The following TBC1D16 variants were observed in gnomAD, a reference collection of about 807,000 sequenced individuals.
The protein encoded by TBC1D16 is CTD-2529O21.1.
Under a neutral mutation model 74.7 loss-of-function variants are expected in TBC1D16, and 58 were observed. The ratio of observed to expected loss-of-function variants is 0.78; its 90% CI spans 0.63 to 0.97. TBC1D16 has a LOEUF of 0.97. TBC1D16 is among the 50% of genes least tolerant of loss of function. The pLI is 0.00. For synonymous variants in TBC1D16, 493 were observed against 474.7 expected, an observed-to-expected ratio of 1.04 and a Z score of -0.50; for missense variants, 1,014 against 1,079.5, an observed-to-expected ratio of 0.94 and a Z score of 0.85.
chr17:79,950,834 C>G lies in TBC1D16; in HGVS notation c.1090-256G>C. On this transcript the variant is annotated intron_variant, in intron 5 of 11. Coordinates refer to ENST00000310924, the MANE Select transcript of TBC1D16 (RefSeq NM_019020.4). This position sits in a 1 kb window ranked among gnomAD's most constrained non-coding sequence, Gnocchi z 4.6. The stretch of plus-strand genomic sequence containing the variant: ...GCCGCCGCCCCCCACTCTCTCCAAC[C>G]CCAGCCGCAAAAACGGAATGAATGC... The G allele has an allele frequency of 6.5e-7, 1 of 1,529,192 alleles. No individual in the cohort carries two copies. Among genetic ancestry groups the G allele is most frequent in the South Asian group, 1.2e-5 (1 of 83,322 alleles). 94.7% of individuals were successfully genotyped at this position (1,529,192 alleles called of 1,614,324 possible). A position where few individuals can be genotyped will look rare whatever the true frequency, so the allele number is the denominator to read the frequency against.
intron 3 of TBC1D16, among the ~76,000 whole-genome samples, chr17:79,977,842 C>T (rs777459222): frequency 3.3e-5 from 5 of 152,214 alleles, no homozygotes; most frequent in South Asian, 2.1e-4. Flanking sequence ...AGAGCCCAGC[C>T]GGCTGTGCAC....
chr17:79,945,664 C>A (rs778826245), intron 9 of TBC1D16, among the ~76,000 whole-genome samples: 2 of 152,230 alleles, frequency 1.3e-5, no homozygotes, highest in Non-Finnish European at 2.9e-5. Context: ...TCATCAATGC[C>A]GCTGGAAAAT....
At chr17:79,946,867 G>A (rs977223729) in intron 9 of TBC1D16, among the ~76,000 whole-genome samples, 1 of 152,164 alleles carries the variant, frequency 6.6e-6, no homozygotes. Flanking sequence ...CCTTATCACG[G>A]GCACCTCCCA....
chr17:80,028,815 T>G (rs1225843934), intron 1 of TBC1D16, among the ~76,000 whole-genome samples: 7 of 151,880 alleles, frequency 4.6e-5, no homozygotes, highest in South Asian at 2.1e-4. Context: ...GGTTTCACCA[T>G]GTGGGCCAAG....
rs1001175632 is a variant in TBC1D16 at position 79,979,505 on chromosome 17, C to T, written c.780-26687G>A. Among the ~76,000 whole-genome samples, 4 of 152,142 alleles carry T rather than the reference C, an allele frequency of 2.6e-5. No homozygotes were observed. The highest frequency in any genetic ancestry group is 4.8e-5 in the African/African-American group (2 of 41,428). The stretch of plus-strand genomic sequence containing the variant: ...CCGCATAGCTGCAAATGCATCTGGG[C>T]GTGAAGACGTCCCTGTGTCATCTCT... On this transcript the variant is annotated intron_variant, in intron 3 of 11. Coordinates refer to ENST00000310924, the MANE Select transcript of TBC1D16 (RefSeq NM_019020.4). This position sits in a 1 kb window ranked among gnomAD's most constrained non-coding sequence, Gnocchi z 4.8.
chr17:79,987,529 G>A lies in TBC1D16; in HGVS notation c.779+22631C>T, dbSNP rs372030725. On this transcript the variant is annotated intron_variant, in intron 3 of 11. Transcript: ENST00000310924. The surrounding 1 kb of genome is among the most constrained non-coding windows in gnomAD (Gnocchi z 5.2). ...CCCAAAGTGCTAGGATTACAGGCATGAGTCATCATGCCTGACCTATTTTTA... is the reference window on the plus strand; with the variant it reads ...CCCAAAGTGCTAGGATTACAGGCATAAGTCATCATGCCTGACCTATTTTTA... Among the ~76,000 whole-genome samples the A allele has an allele frequency of 4.5e-4, 68 of 152,260 alleles. No homozygotes were observed. The highest frequency in any genetic ancestry group is 1.4e-3 in the African/African-American group (57 of 41,546).
intron 8 of TBC1D16, 84 bp downstream of exon 8, chr17:79,948,788 C>A: frequency 6.4e-7 from 1 of 1,569,548 alleles, no homozygotes; most frequent in Non-Finnish European, 8.7e-7. Context: ...CAGAAACTCG[C>A]TGGGGGCTCA....
intron 3 of TBC1D16, among the ~76,000 whole-genome samples, chr17:79,982,096 T>C (rs559600134): frequency 2.0e-5 from 3 of 152,252 alleles, no homozygotes; most frequent in East Asian, 3.9e-4. Flanking sequence ...ACATTCCTTA[T>C]AGACAAAGAC....
chr17:80,021,259 A>C (rs879374336), intron 1 of TBC1D16, among the ~76,000 whole-genome samples: 2 of 147,874 alleles, frequency 1.4e-5, no homozygotes, highest in Non-Finnish European at 2.9e-5. Flanking sequence ...CTCAAAAAAC[A>C]AAAACAAACA....
intron 1 of TBC1D16, among the ~76,000 whole-genome samples, chr17:80,024,506 TAGACAAACCACGCAC>T (rs2036445756): frequency 8.4e-6 from 1 of 118,904 alleles, no homozygotes; most frequent in Non-Finnish European, 1.6e-5. Context: ...ACACGCACCA[TAGACAAACCACGCAC>T]ACCATGCACA....
intron 7 of TBC1D16, 141 bp from the exon 8 acceptor site, chr17:79,949,147 C>T (rs1414965804): frequency 7.5e-6 from 8 of 1,072,976 alleles, no homozygotes; most frequent in African/African-American, 1.6e-5. Flanking sequence ...GGCTGCAGAC[C>T]CTCCCCGGAT....
chr17:79,988,725 T>C lies in TBC1D16; in HGVS notation c.779+21435A>G, dbSNP rs2034943951. Among the ~76,000 whole-genome samples, 1 of 152,236 alleles carries C rather than the reference T, an allele frequency of 6.6e-6. No homozygotes were observed. The highest frequency in any genetic ancestry group is 2.1e-4 in the South Asian group (1 of 4,836). ...CAGATGTTGGCTCTTTAATTGGCAG[T>C]CAACCTCAAAGCAAAACTTAGAAGG... On this transcript the variant is annotated intron_variant, in intron 3 of 11. Transcript: ENST00000310924. This position sits in a 1 kb window ranked among gnomAD's most constrained non-coding sequence, Gnocchi z 5.7.
At chr17:79,991,038 T>C (rs2035038247) in intron 3 of TBC1D16, among the ~76,000 whole-genome samples, 1 of 152,230 alleles carries the variant, frequency 6.6e-6, no homozygotes, top group Admixed American at 6.5e-5. Flanking sequence ...CTGTGGACGG[T>C]GCTGCTATGG....
intron 1 of TBC1D16, among the ~76,000 whole-genome samples, chr17:80,020,963 C>T (rs1302645145): frequency 6.7e-6 from 1 of 149,964 alleles, no homozygotes; most frequent in African/African-American, 2.5e-5. Flanking sequence ...CAAAACCAGC[C>T]TGGGCAGGGC....
Position 79,981,566 on chromosome 17 carries a change from C to T in TBC1D16, c.779+28594G>A, listed in dbSNP as rs1453255600. 6.6e-6 allele frequency among the ~76,000 whole-genome samples: 1 copy of T among 152,150 alleles called. No individual in the cohort carries two copies. The highest frequency in any genetic ancestry group is 1.5e-5 in the Non-Finnish European group (1 of 68,034). ...CACGCAGAGACATATTCAAGATCGT[C>T]GGTGATAAAGAAATGCGCATGAACA... On this transcript the variant is annotated intron_variant, in intron 3 of 11. Coordinates refer to ENST00000310924, the MANE Select transcript of TBC1D16 (RefSeq NM_019020.4). This position sits in a 1 kb window ranked among gnomAD's most constrained non-coding sequence, Gnocchi z 6.9.
intron 1 of TBC1D16, among the ~76,000 whole-genome samples, chr17:80,027,821 G>C (rs920321592): frequency 6.7e-6 from 1 of 148,360 alleles, no homozygotes; most frequent in South Asian, 2.1e-4. Flanking sequence ...GAACCCGGGA[G>C]GCAGAGGTTG....
At chr17:79,997,149 T>C (rs536165045) in intron 3 of TBC1D16, among the ~76,000 whole-genome samples, 1 of 152,246 alleles carries the variant, frequency 6.6e-6, no homozygotes, top group East Asian at 1.9e-4. Context: ...TGCGTCTAGC[T>C]AGTGGTAGTA....
At position 80,013,248 on chromosome 17, in the gene TBC1D16, C is replaced by A. The variant is rs1257901282; in HGVS notation, c.181+119G>T. 11 of 983,448 alleles carry A rather than the reference C, an allele frequency of 1.1e-5. No homozygotes were observed. In the African/African-American group the frequency reaches 1.8e-4, roughly 16 times the overall value. The allele number at this position is 983,448 out of a possible 1,614,324, so 60.9% of individuals were successfully genotyped here. A position where few individuals can be genotyped will look rare whatever the true frequency, so the allele number is the denominator to read the frequency against. On this transcript the variant is annotated intron_variant, in intron 2 of 11. Transcript: ENST00000310924. ...CCGGGAGGACAGCTGCTGTTAGTTACACGTTCTGGAAGAGGAACCAAATGC... is the reference window on the plus strand; with the variant it reads ...CCGGGAGGACAGCTGCTGTTAGTTAAACGTTCTGGAAGAGGAACCAAATGC...
chr17:79,970,954 C>G (rs2034071801), intron 3 of TBC1D16, among the ~76,000 whole-genome samples: 1 of 150,454 alleles, frequency 6.6e-6, no homozygotes, highest in East Asian at 2.0e-4. Flanking sequence ...TTACGTTCCT[C>G]CCAGTGTGGG....
Sources: allele counts gnomAD v4.1 joint callset (sites outside exome capture counted in the v4.1 genomes callset), GRCh38; gene constraint gnomAD v4.1.1; non-coding constraint Gnocchi (gnomAD v3.1); transcripts MANE v1.5; gene names NCBI Gene and HGNC (gene_info 2026-07-23, HGNC 2026-07-21).